The following TTC12 variants were observed in gnomAD, a reference collection of about 807,000 sequenced individuals.
The protein encoded by TTC12 is tetratricopeptide repeat domain 12, also known as tetratricopeptide repeat protein 12.
TTC12 carries 70 observed loss-of-function variants against 90.1 expected under a neutral mutation model. The observed-to-expected ratio is 0.78, with a 90% CI of 0.64 to 0.95. The LOEUF (loss-of-function observed/expected upper bound fraction) is 0.95. TTC12 is among the 40% of genes least tolerant of loss of function. The pLI is 0.00. For synonymous variants in TTC12, 296 were observed against 311.5 expected, an observed-to-expected ratio of 0.95 and a Z score of 0.53; for missense variants, 819 against 846.1, an observed-to-expected ratio of 0.97 and a Z score of 0.40.
chr11:113,350,821 A>G (rs1949240092), intron 14 of TTC12, among the ~76,000 whole-genome samples: 1 of 152,246 alleles, frequency 6.6e-6, no homozygotes, highest in Non-Finnish European at 1.5e-5. Context: ...GGGGTATGGA[A>G]CAGTGGCCAT....
chr11:113,351,130 T>G (rs576080763), intron 14 of TTC12, 109 bp from the exon 15 acceptor site: 1 of 1,024,986 alleles, frequency 9.8e-7, no homozygotes, highest in East Asian at 2.5e-5. Flanking sequence ...CCATGCACAC[T>G]CTAAATCATA....
At chr11:113,366,878 A>C (rs1483128951), downstream of TTC12, among the ~76,000 whole-genome samples, 1 of 152,142 alleles carries the variant, frequency 6.6e-6, no homozygotes, top group East Asian at 1.9e-4. Context: ...TCTGGGAATC[A>C]TTCCTGGGGG....
At position 113,344,359 on chromosome 11, in the gene TTC12, AG is replaced by A; in HGVS notation, c.1074del (p.Gln358HisfsTer19). ...LLSSKVLAIR[Q>X]QSFALLLHLA... is the part of the protein sequence containing the mutation. Reference sequence around the variant, plus strand: ...TCCTCCAAGGTCCTGGCCATCCGGCAGCAGAGCTTTGCCCTGCTGCTGCATC... The same window carrying A: ...TCCTCCAAGGTCCTGGCCATCCGGCACAGAGCTTTGCCCTGCTGCTGCATC... On this transcript the variant is annotated frameshift_variant, in exon 13 of 22. Coordinates refer to ENST00000529221, the MANE Select transcript of TTC12 (RefSeq NM_017868.4). LOFTEE classifies it high-confidence loss of function. 1 of 1,614,210 alleles carries A rather than the reference AG, an allele frequency of 6.2e-7. No individual in the cohort carries two copies. Among genetic ancestry groups the A allele is most frequent in the Non-Finnish European group, 8.5e-7 (1 of 1,180,026 alleles).
In TTC12 at chr11:113,352,083, A is replaced by G; in HGVS notation, c.1322A>G (p.Lys441Arg). 1 of 1,613,794 alleles carries G rather than the reference A, an allele frequency of 6.2e-7. No homozygotes were observed. Residue 441 changes from lysine to arginine, a missense_variant, in exon 16 of 22, where the codon AAG (lysine) becomes AGG (arginine). Physicochemically the swap from Lys to Arg is conservative, Grantham distance 26 (BLOSUM62 2). Coordinates refer to ENST00000529221, the MANE Select transcript of TTC12 (RefSeq NM_017868.4). ...ATTCTCATTTAGAAGACAGATCCCAAGGTAAGCAGCTCCTCGGCTCTGTGC... is the reference window on the plus strand; with the variant it reads ...ATTCTCATTTAGAAGACAGATCCCAGGGTAAGCAGCTCCTCGGCTCTGTGC... ...ALTGVLKTDP[K>R]VSSSSALCQC...
At chr11:113,335,971 A>G (rs895263813) in intron 8 of TTC12, among the ~76,000 whole-genome samples, 2 of 152,132 alleles carry the variant, frequency 1.3e-5, no homozygotes, top group African/African-American at 2.4e-5. Flanking sequence ...TGGTAACTCT[A>G]TGTTTAACCT....
chr11:113,346,851 T>C (rs1195423230), intron 13 of TTC12, among the ~76,000 whole-genome samples: 2 of 152,218 alleles, frequency 1.3e-5, no homozygotes, highest in Non-Finnish European at 2.9e-5. Flanking sequence ...TAGGGTATAT[T>C]GTTTAGGGTC....
At chr11:113,370,503 G>T (rs1195729437), downstream of TTC12, among the ~76,000 whole-genome samples, 1 of 152,206 alleles carries the variant, frequency 6.6e-6, no homozygotes, top group African/African-American at 2.4e-5. Context: ...GAAGCTGCTG[G>T]ATGACTTATT....
At chr11:113,348,509 C>T (rs1434189330) in intron 13 of TTC12, among the ~76,000 whole-genome samples, 1 of 152,166 alleles carries the variant, frequency 6.6e-6, no homozygotes, top group African/African-American at 2.4e-5. Flanking sequence ...CACAGTTCTC[C>T]CCTGGTTGAA....
intron 16 of TTC12, among the ~76,000 whole-genome samples, chr11:113,354,281 A>G (rs2084875978): frequency 6.6e-6 from 1 of 152,166 alleles, no homozygotes; most frequent in South Asian, 2.1e-4. Flanking sequence ...TTGGTGTATA[A>G]GAATGCTAGT....
chr11:113,341,968 G>C (rs781986842), intron 12 of TTC12, 43 bp downstream of exon 12: 4 of 1,528,096 alleles, frequency 2.6e-6, no homozygotes, highest in Non-Finnish European at 3.6e-6. Flanking sequence ...AATGCGCTGC[G>C]TGCAGGAACT....
At chr11:113,351,186 T>C in intron 14 of TTC12, 53 bp from the exon 15 acceptor site, 2 of 1,518,788 alleles carry the variant, frequency 1.3e-6, no homozygotes, top group Non-Finnish European at 9.1e-7. Context: ...ACTGTATTTA[T>C]GTTATAGTTT....
rs551146976 is a variant in TTC12 at position 113,331,684 on chromosome 11, C to G, written c.504+1705C>G. ...GAAAAAGGCCAAAGGGGCAGACATA[C>G]CATCATGCTGATTCAGGATAACAGG... On this transcript the variant is annotated intron_variant, in intron 7 of 21. Coordinates refer to ENST00000529221, the MANE Select transcript of TTC12 (RefSeq NM_017868.4). Among the ~76,000 whole-genome samples, 5 of 152,334 alleles carry G rather than the reference C, an allele frequency of 3.3e-5. No individual in the cohort carries two copies. The South Asian group carries it at 1.0e-3, about 32-fold the overall frequency.
In TTC12 at chr11:113,329,712, C is replaced by A. The variant is rs1207681480; in HGVS notation, c.445-208C>A. On this transcript the variant is annotated intron_variant, in intron 6 of 21. Coordinates refer to ENST00000529221, the MANE Select transcript of TTC12 (RefSeq NM_017868.4). ...CATCCCTTGTCAGGTTCCCTAAGCC[C>A]TGCCTTCACCGTGGAAGAGGTCCCT... 6.3e-6 allele frequency: 4 copies of A among 633,272 alleles called. No individual in the cohort carries two copies. The East Asian group carries it at 9.5e-5, about 15-fold the overall frequency. The allele number at this position is 633,272 out of a possible 1,614,324, so 39.2% of individuals were successfully genotyped here.
chr11:113,370,401 C>A (rs1215575800), downstream of TTC12, among the ~76,000 whole-genome samples: 1 of 152,234 alleles, frequency 6.6e-6, no homozygotes, highest in East Asian at 1.9e-4. Context: ...AGTGCTAGCC[C>A]AGCGGGACAT....
intron 16 of TTC12, among the ~76,000 whole-genome samples, chr11:113,356,494 A>G (rs567623195): frequency 2.0e-5 from 3 of 152,218 alleles, no homozygotes; most frequent in Admixed American, 1.3e-4. Flanking sequence ...GTGATATTAG[A>G]TGGTTATTTT....
chr11:113,321,736 T>G (rs896462536), intron 2 of TTC12, among the ~76,000 whole-genome samples: 1 of 152,130 alleles, frequency 6.6e-6, no homozygotes, highest in Admixed American at 6.5e-5. Flanking sequence ...AGCAGAGGCT[T>G]GAAAAGTGCA....
intron 13 of TTC12, among the ~76,000 whole-genome samples, chr11:113,347,764 T>C (rs1949053845): frequency 6.6e-6 from 1 of 152,198 alleles, no homozygotes; most frequent in Non-Finnish European, 1.5e-5. Flanking sequence ...AGTGGCTAAA[T>C]AGATCCAGCA....
At chr11:113,358,204 A>G (rs1434393776) in intron 16 of TTC12, among the ~76,000 whole-genome samples, 7 of 152,186 alleles carry the variant, frequency 4.6e-5, no homozygotes, top group Admixed American at 2.6e-4. Context: ...TCCATCTGCA[A>G]TGGTGATCAG....
At chr11:113,321,483 G>A (rs782031485) in intron 2 of TTC12, among the ~76,000 whole-genome samples, 8 of 152,298 alleles carry the variant, frequency 5.3e-5, no homozygotes, top group Admixed American at 1.3e-4. Context: ...GGAACCATGT[G>A]TATCAAGAAC....
Sources: gnomAD v4.1 joint callset for allele counts (sites outside exome capture counted in the v4.1 genomes callset) on GRCh38, gnomAD v4.1.1 for gene constraint, MANE v1.5 for transcripts, NCBI Gene and HGNC (gene_info 2026-07-23, HGNC 2026-07-21) for gene names.